Variants in PROK2 observed in about 807,000 individuals in gnomAD.
The protein encoded by PROK2 is prokineticin-2.
In PROK2, 8 loss-of-function variants were observed where a neutral mutation model predicts 14.2. The ratio of observed to expected loss-of-function variants is 0.56; its 90% CI spans 0.33 to 1.02. PROK2 has a LOEUF of 1.02. Among genes scored for constraint, PROK2 ranks in the 50% least tolerant of loss-of-function variants. PROK2 has a pLI of 0.03. For missense variants in PROK2, 154 were observed against 160.4 expected (o/e 0.96, Z 0.22); for synonymous variants, 59 against 60.7 (o/e 0.97, Z 0.13).
At chr3:71,784,759 G>T (rs2050198109) in intron 1 of PROK2, among the ~76,000 whole-genome samples, 198 bp downstream of exon 1, 2 of 152,216 alleles carry the variant, frequency 1.3e-5, no homozygotes, top group African/African-American at 4.8e-5. Flanking sequence ...TCCAGGACGC[G>T]CCCAGTGTCC....
intron 1 of PROK2, among the ~76,000 whole-genome samples, chr3:71,782,087 T>C (rs1429295362): frequency 6.6e-6 from 1 of 152,194 alleles, no homozygotes. Context: ...AAGGCACTGA[T>C]GTAAATTTCA....
Position 71,778,031 on chromosome 3 carries a change from G to A in PROK2, c.222+3436C>T, listed in dbSNP as rs1320425995. Reference sequence around the variant, plus strand: ...TAACAAGGTGAAACCCCGTCTCTACGAAAAATACCAAAAACATTAGCCGGG... The same window carrying A: ...TAACAAGGTGAAACCCCGTCTCTACAAAAAATACCAAAAACATTAGCCGGG... On this transcript the variant is annotated intron_variant, in intron 2 of 3. Coordinates refer to ENST00000295619, the MANE Select transcript of PROK2 (RefSeq NM_001126128.2). Among the ~76,000 whole-genome samples the A allele has an allele frequency of 3.3e-5, 5 of 151,772 alleles. 1 individual carries two copies. In the Middle Eastern group the frequency reaches 0.014, roughly 413 times the overall value.
At chr3:71,781,387 C>T in intron 2 of PROK2, 80 bp downstream of exon 2, 1 of 1,540,960 alleles carries the variant, frequency 6.5e-7, no homozygotes, top group Non-Finnish European at 9.0e-7. Context: ...GAGCACGTTA[C>T]CCAGTCCTTC....
At chr3:71,777,354 T>C (rs980491690) in intron 2 of PROK2, among the ~76,000 whole-genome samples, 7 of 152,222 alleles carry the variant, frequency 4.6e-5, no homozygotes, top group African/African-American at 1.7e-4. Flanking sequence ...AATTTCTAGT[T>C]GCATTAGTTA....
At chr3:71,773,192 C>A (rs931660820) in intron 3 of PROK2, among the ~76,000 whole-genome samples, 5 of 152,120 alleles carry the variant, frequency 3.3e-5, no homozygotes, top group Non-Finnish European at 5.9e-5. Context: ...GTTGGCCAGG[C>A]GGGTCTCGAA....
At position 71,782,867 on chromosome 3, in the gene PROK2, A is replaced by G. The variant is rs192303744; in HGVS notation, c.97-1275T>C. On this transcript the variant is annotated intron_variant, in intron 1 of 3. Coordinates refer to ENST00000295619, the MANE Select transcript of PROK2 (RefSeq NM_001126128.2). ...ATTTCTCAGTCTATTTAAACAAAGTATCTGGATAAAAGCTAAAAATTTCAC... is the reference window on the plus strand; with the variant it reads ...ATTTCTCAGTCTATTTAAACAAAGTGTCTGGATAAAAGCTAAAAATTTCAC... Among the ~76,000 whole-genome samples the G allele has an allele frequency of 2.0e-5, 3 of 152,346 alleles. No individual in the cohort carries two copies. In the East Asian group the frequency reaches 5.8e-4, roughly 29 times the overall value.
At chr3:71,779,389 T>C (rs1183705472) in intron 2 of PROK2, among the ~76,000 whole-genome samples, 1 of 152,256 alleles carries the variant, frequency 6.6e-6, no homozygotes, top group Non-Finnish European at 1.5e-5. Flanking sequence ...GGCTTAATGT[T>C]GTATACAGGC....
In PROK2 at chr3:71,772,668, G is replaced by T; in HGVS notation, c.*56C>A. Reference sequence around the variant, plus strand: ...CATTTTTTGTTTGGCACAATCACAAGTAAGACTTTACAGGTAAGATGTGGC... The same window carrying T: ...CATTTTTTGTTTGGCACAATCACAATTAAGACTTTACAGGTAAGATGTGGC... On this transcript the variant is annotated 3_prime_UTR_variant, in exon 4 of 4. Coordinates refer to ENST00000295619, the MANE Select transcript of PROK2 (RefSeq NM_001126128.2). The T allele has an allele frequency of 6.7e-7, 1 of 1,486,984 alleles. No homozygotes were observed. The highest frequency in any genetic ancestry group is 9.4e-7 in the Non-Finnish European group (1 of 1,064,536). The allele number at this position is 1,486,984 out of a possible 1,614,324, so 92.1% of individuals were successfully genotyped here.
Position 71,785,078 on chromosome 3 carries a change from C to G in PROK2, c.-26G>C, listed in dbSNP as rs1282698278. On this transcript the variant is annotated 5_prime_UTR_variant, in exon 1 of 4. Transcript: ENST00000295619. ...GGCGCCCTCGGGACTGGGCGGCCGCCGGAGGCAGTTGGGGGCGCGGGGCCC... is the reference window on the plus strand; with the variant it reads ...GGCGCCCTCGGGACTGGGCGGCCGCGGGAGGCAGTTGGGGGCGCGGGGCCC... 6 of 1,225,886 alleles carry G rather than the reference C, an allele frequency of 4.9e-6. No individual in the cohort carries two copies. Among genetic ancestry groups the G allele is most frequent in the African/African-American group, 1.6e-5 (1 of 64,044 alleles). The allele number at this position is 1,225,886 out of a possible 1,614,324, so 75.9% of individuals were successfully genotyped here. A position where few individuals can be genotyped will look rare whatever the true frequency, so the allele number is the denominator to read the frequency against.
intron 3 of PROK2, among the ~76,000 whole-genome samples, chr3:71,773,525 C>T (rs750115433): frequency 3.3e-5 from 5 of 152,082 alleles, no homozygotes; most frequent in Non-Finnish European, 7.4e-5. Flanking sequence ...TTTATGGTAT[C>T]CTATCATTGA....
chr3:71,783,593 T>G (rs1383953470), intron 1 of PROK2, among the ~76,000 whole-genome samples: 2 of 152,238 alleles, frequency 1.3e-5, no homozygotes, highest in East Asian at 3.8e-4. Flanking sequence ...TGCAAATCTA[T>G]TCAGATAGTG....
chr3:71,783,326 T>A (rs2050183368), intron 1 of PROK2, among the ~76,000 whole-genome samples: 1 of 152,184 alleles, frequency 6.6e-6, no homozygotes, highest in Non-Finnish European at 1.5e-5. Flanking sequence ...ATAACTACAT[T>A]TTATTGCCCT....
chr3:71,778,384 A>G (rs1158078564), intron 2 of PROK2, among the ~76,000 whole-genome samples: 1 of 152,168 alleles, frequency 6.6e-6, no homozygotes, highest in African/African-American at 2.4e-5. Context: ...TCAAAACTAT[A>G]CAATTATAAA....
intron 2 of PROK2, among the ~76,000 whole-genome samples, chr3:71,776,363 CATTTTT>C (rs1424066244): frequency 8.7e-5 from 8 of 92,068 alleles, no homozygotes; most frequent in African/African-American, 1.8e-4. Context: ...TTTCGCTTTT[CATTTTT>C]TTTTTTTTTT....
chr3:71,779,779 A>T lies in PROK2; in HGVS notation c.222+1688T>A, dbSNP rs186140542. Among the ~76,000 whole-genome samples, 637 of 152,098 alleles carry T rather than the reference A, an allele frequency of 4.2e-3. 6 individuals are homozygous for T. The highest frequency in any genetic ancestry group is 0.015 in the African/African-American group (605 of 41,490). On this transcript the variant is annotated intron_variant, in intron 2 of 3. Transcript: ENST00000295619. Reference sequence around the variant, plus strand: ...GTGCCACCATGCCCAGCTAATTTTTAAAAATTTTTCTATAGAGACGGGGTC... The same window carrying T: ...GTGCCACCATGCCCAGCTAATTTTTTAAAATTTTTCTATAGAGACGGGGTC...
rs2050118816 is a variant in PROK2 at position 71,776,363 on chromosome 3, C to CTTTTTTTTTT, written c.223-1857_223-1856insAAAAAAAAAA. On this transcript the variant is annotated intron_variant, in intron 2 of 3. Transcript: ENST00000295619. ...CTTTTCTTTTTTTCTTTTCGCTTTT[C>CTTTTTTTTTT]ATTTTTTTTTTTTTTTTTTTTTTTT... Among the ~76,000 whole-genome samples the CTTTTTTTTTT allele has an allele frequency of 6.5e-5, 6 of 92,060 alleles. 1 individual carries two copies. The highest frequency in any genetic ancestry group is 8.9e-5 in the African/African-American group (2 of 22,460). The allele number at this position is 92,060 out of a possible 152,430, so 60.4% of individuals were successfully genotyped here. A position where few individuals can be genotyped will look rare whatever the true frequency, so the allele number is the denominator to read the frequency against.
chr3:71,772,625 G>C lies in PROK2; in HGVS notation c.*99C>G. The C allele has an allele frequency of 2.0e-6, 2 of 1,001,202 alleles. No individual in the cohort carries two copies. Among genetic ancestry groups the C allele is most frequent in the South Asian group, 1.3e-5 (1 of 74,732 alleles). The allele number at this position is 1,001,202 out of a possible 1,614,324, so 62.0% of individuals were successfully genotyped here. On this transcript the variant is annotated 3_prime_UTR_variant, in exon 4 of 4. Coordinates refer to ENST00000295619, the MANE Select transcript of PROK2 (RefSeq NM_001126128.2). Reference sequence around the variant, plus strand: ...GTTACTTGGAAAGTTGAGGAAGCAAGAGCATTTCTTTCTGGCACATTTTTT... The same window carrying C: ...GTTACTTGGAAAGTTGAGGAAGCAACAGCATTTCTTTCTGGCACATTTTTT...
intron 2 of PROK2, among the ~76,000 whole-genome samples, chr3:71,779,235 A>G (rs774620125): frequency 2.0e-5 from 3 of 152,242 alleles, no homozygotes; most frequent in Non-Finnish European, 4.4e-5. Flanking sequence ...ATTGGACTAC[A>G]AAGTGTTCAA....
rs1391126028 is a variant in PROK2 at position 71,781,366 on chromosome 3, T to C, written c.222+101A>G. 1.1e-5 allele frequency: 16 copies of C among 1,457,374 alleles called. No homozygotes were observed. In the Admixed American group the frequency reaches 2.7e-4, roughly 24 times the overall value. 90.3% of individuals were successfully genotyped at this position (1,457,374 alleles called of 1,614,324 possible). A position where few individuals can be genotyped will look rare whatever the true frequency, so the allele number is the denominator to read the frequency against. On this transcript the variant is annotated intron_variant, in intron 2 of 3. Transcript: ENST00000295619. ...TATCCTTGCTAATGTCCAATATTCA[T>C]TTTGTTTGTCGAGCACGTTACCCAG...
Sources: gnomAD v4.1 joint callset for allele counts (sites outside exome capture counted in the v4.1 genomes callset) on GRCh38, gnomAD v4.1.1 for gene constraint, MANE v1.5 for transcripts, NCBI Gene and HGNC (gene_info 2026-07-23, HGNC 2026-07-21) for gene names.